The following DOK6 variants were observed in gnomAD, a reference collection of about 807,000 sequenced individuals.
DOK6 encodes the protein downstream of tyrosine kinase 6.
Under a neutral mutation model 44.0 loss-of-function variants are expected in DOK6, and 22 were observed. The observed-to-expected ratio is 0.50, with a 90% confidence interval of 0.36 to 0.71. The LOEUF (loss-of-function observed/expected upper bound fraction) is 0.71. DOK6 is among the 30% of genes least tolerant of loss of function. The pLI, the probability that DOK6 is intolerant of heterozygous loss-of-function variation, is 0.00. For synonymous variants in DOK6, 166 were observed against 145.5 expected, an observed-to-expected ratio of 1.14 and a Z score of -1.01; for missense variants, 340 against 416.4, an observed-to-expected ratio of 0.82 and a Z score of 1.60.
intron 3 of DOK6, among the ~76,000 whole-genome samples, chr18:69,600,751 GAGCAAT>G (rs1208171172): frequency 6.6e-6 from 1 of 151,900 alleles, no homozygotes; most frequent in Non-Finnish European, 1.5e-5. Flanking sequence ...AAATTGTAGT[GAGCAAT>G]ATTTTGAATG....
rs758029341 is a variant in DOK6, at chr18:69,544,712, C to T, written c.67-19775C>T. 2.9e-4 allele frequency among the ~76,000 whole-genome samples: 44 copies of T among 151,632 alleles called. 3 individuals are homozygous for T. Among genetic ancestry groups the T allele is most frequent in the Non-Finnish European group, 5.6e-4 (38 of 67,724 alleles). The stretch of plus-strand genomic sequence containing the variant: ...CATAAAATAAAAACAAACTGAACTG[C>T]TCGTACATAGAAATACGGTTTTTAT... On this transcript the variant is annotated intron_variant, in intron 1 of 7. Coordinates refer to ENST00000382713, the MANE Select transcript of DOK6 (RefSeq NM_152721.6).
At chr18:69,679,694 A>G (rs1402247599) in intron 4 of DOK6, among the ~76,000 whole-genome samples, 2 of 152,216 alleles carry the variant, frequency 1.3e-5, no homozygotes, top group Non-Finnish European at 2.9e-5. Context: ...AAATAGAAAT[A>G]CTGTGCCTCT....
intron 7 of DOK6, among the ~76,000 whole-genome samples, chr18:69,838,260 A>G (rs1982109300): frequency 6.6e-6 from 1 of 151,636 alleles, no homozygotes; most frequent in Admixed American, 6.6e-5. Flanking sequence ...AAAACAGGAT[A>G]AAACCAAGGC....
At chr18:69,683,937 C>T (rs997601449) in intron 4 of DOK6, among the ~76,000 whole-genome samples, 6 of 152,188 alleles carry the variant, frequency 3.9e-5, no homozygotes, top group Admixed American at 6.5e-5. Flanking sequence ...TATTCATATC[C>T]TGTGGGACTT....
chr18:69,626,184 A>C (rs2144641921), intron 3 of DOK6, among the ~76,000 whole-genome samples: 1 of 152,304 alleles, frequency 6.6e-6, no homozygotes, highest in East Asian at 1.9e-4. Flanking sequence ...CACTGCTAAA[A>C]ATTGTTTAGT....
chr18:69,476,190 C>T (rs895513220), intron 1 of DOK6, among the ~76,000 whole-genome samples: 3 of 152,176 alleles, frequency 2.0e-5, no homozygotes, highest in Non-Finnish European at 2.9e-5. Flanking sequence ...TGCTGCCCAA[C>T]ATTTTAAATG....
intron 2 of DOK6, among the ~76,000 whole-genome samples, chr18:69,586,463 G>GA (rs1462795591): frequency 7.9e-5 from 12 of 152,026 alleles, no homozygotes; most frequent in Non-Finnish European, 1.6e-4. Context: ...GCCCAAGCCA[G>GA]AAAAAAGTAA....
chr18:69,815,088 C>T (rs1305542204), intron 7 of DOK6, among the ~76,000 whole-genome samples: 3 of 152,048 alleles, frequency 2.0e-5, no homozygotes, highest in Non-Finnish European at 4.4e-5. Flanking sequence ...AGAACAATAA[C>T]TTGCAATGCA....
intron 7 of DOK6, among the ~76,000 whole-genome samples, chr18:69,810,604 T>C (rs868075527): frequency 4.6e-5 from 7 of 151,388 alleles, no homozygotes; most frequent in South Asian, 4.2e-4. Context: ...TATAAGGAAC[T>C]CAAACAACTA....
chr18:69,499,921 T>A (rs1297923052), intron 1 of DOK6, among the ~76,000 whole-genome samples: 1 of 152,204 alleles, frequency 6.6e-6, no homozygotes, highest in African/African-American at 2.4e-5. Flanking sequence ...GTGCAGATCC[T>A]GAATGCTAAC....
intron 1 of DOK6, among the ~76,000 whole-genome samples, chr18:69,554,737 ACT>A (rs542249086): frequency 8.7e-4 from 132 of 152,078 alleles, no homozygotes; most frequent in Middle Eastern, 3.4e-3. Flanking sequence ...TCTGGTGCAC[ACT>A]CTCTCCAGTA....
At chr18:69,629,244 C>T (rs1984631805) in intron 3 of DOK6, among the ~76,000 whole-genome samples, 1 of 152,216 alleles carries the variant, frequency 6.6e-6, no homozygotes, top group Non-Finnish European at 1.5e-5. Flanking sequence ...ATCCAGAAGA[C>T]TGTTGTGACC....
chr18:69,740,018 T>C (rs1036458770), intron 6 of DOK6, among the ~76,000 whole-genome samples: 7 of 152,216 alleles, frequency 4.6e-5, no homozygotes, highest in African/African-American at 7.2e-5. Context: ...TAAATGATCA[T>C]ATTTTACTCT....
intron 1 of DOK6, among the ~76,000 whole-genome samples, chr18:69,461,520 T>C (rs1979787568): frequency 6.6e-6 from 1 of 152,174 alleles, no homozygotes; most frequent in Non-Finnish European, 1.5e-5. Flanking sequence ...TATCCCTATT[T>C]GGTCTAAATT....
chr18:69,823,436 G>A (rs886408276), intron 7 of DOK6, among the ~76,000 whole-genome samples: 15 of 152,126 alleles, frequency 9.9e-5, no homozygotes, highest in African/African-American at 3.4e-4. Context: ...ATGAGTGTGA[G>A]GGCGAGCATT....
intron 2 of DOK6, among the ~76,000 whole-genome samples, chr18:69,597,431 A>G (rs900421505): frequency 6.6e-6 from 1 of 152,186 alleles, no homozygotes; most frequent in Non-Finnish European, 1.5e-5. Context: ...CTCTTTAAAG[A>G]TATCTGATTG....
At chr18:69,560,065 G>C (rs956094277) in intron 1 of DOK6, among the ~76,000 whole-genome samples, 1 of 152,080 alleles carries the variant, frequency 6.6e-6, no homozygotes, top group African/African-American at 2.4e-5. Context: ...AGAAACCCAA[G>C]AGTTTCAGGT....
At position 69,681,335 on chromosome 18, in the gene DOK6, A is replaced by T. The variant is rs148769498; in HGVS notation, c.409+3482A>T. Among the ~76,000 whole-genome samples the T allele has an allele frequency of 6.3e-3, 958 of 152,348 alleles. 13 individuals carry two copies. The highest frequency in any genetic ancestry group is 0.022 in the African/African-American group (918 of 41,576). On this transcript the variant is annotated intron_variant, in intron 4 of 7. Coordinates refer to ENST00000382713, the MANE Select transcript of DOK6 (RefSeq NM_152721.6). ...TCTTCTTGTGTTTTCCTGCCTCTTC[A>T]GACAGCCTGAGACTAGCTAAGAAGA...
At chr18:69,401,544 G>T (rs1003156234) in intron 1 of DOK6, among the ~76,000 whole-genome samples, 20 of 152,130 alleles carry the variant, frequency 1.3e-4, no homozygotes, top group Admixed American at 6.5e-5. Flanking sequence ...GAGTGCACCG[G>T]GCTGTCTTCG....
Sources: allele counts gnomAD v4.1 joint callset (sites outside exome capture counted in the v4.1 genomes callset), GRCh38; gene constraint gnomAD v4.1.1; transcripts MANE v1.5; gene names NCBI Gene and HGNC (gene_info 2026-07-23, HGNC 2026-07-21).